Variants in DIS3 observed in about 807,000 individuals in gnomAD.
DIS3 encodes exosome complex exonuclease RRP44.
A neutral mutation model predicts 113.0 loss-of-function variants in DIS3; 103 were observed. That is an observed-to-expected ratio of 0.91 (90% CI 0.78 to 1.07). The LOEUF (loss-of-function observed/expected upper bound fraction) is 1.07, where lower values mean the gene tolerates loss of function less well. Ranked by LOEUF, DIS3 falls within the 50% of genes least tolerant of loss-of-function variation. The pLI is 0.00. For synonymous variants in DIS3, 402 were observed against 394.3 expected, an observed-to-expected ratio of 1.02 and a Z score of -0.23; for missense variants, 1,121 against 1,167.1, an observed-to-expected ratio of 0.96 and a Z score of 0.58.
Position 72,770,818 on chromosome 13 carries a change from T to C in DIS3, c.1755+86A>G, listed in dbSNP as rs45622833. The C allele has an allele frequency of 9.3e-3, 7,752 of 832,558 alleles. 57 individuals carry two copies. Among genetic ancestry groups the C allele is most frequent in the South Asian group, 0.023 (1,065 of 46,218 alleles). The allele number at this position is 832,558 out of a possible 1,614,324, so 51.6% of individuals were successfully genotyped here. Reference sequence around the variant, plus strand: ...TTATATATGTGTATATATACGTACATGTGAATCTTTAAAAAATTTATTTAG... The same window carrying C: ...TTATATATGTGTATATATACGTACACGTGAATCTTTAAAAAATTTATTTAG... On this transcript the variant is annotated intron_variant, in intron 13 of 20. Transcript: ENST00000377767.
intron 8 of DIS3, 56 bp downstream of exon 8, chr13:72,773,628 C>T (rs2033937056): frequency 1.9e-6 from 3 of 1,543,952 alleles, no homozygotes; most frequent in South Asian, 2.5e-5. Flanking sequence ...AGCAGAAATA[C>T]TATTCACAAA....
In DIS3 at chr13:72,755,675, T is replaced by G. The variant is rs1295114064; in HGVS notation, c.*4120A>C. The G allele has an allele frequency of 5.1e-6, 2 of 391,364 alleles. No individual in the cohort carries two copies. Among genetic ancestry groups the G allele is most frequent in the African/African-American group, 4.1e-5 (2 of 48,476 alleles). The allele number at this position is 391,364 out of a possible 1,614,324, so 24.2% of individuals were successfully genotyped here. On this transcript the variant is annotated 3_prime_UTR_variant, in exon 21 of 21. Transcript: ENST00000377767. ...GAAATCTTAGATATAAAACTAACTTTTCAAAGATACAAAAGAAATTAAACA... is the reference window on the plus strand; with the variant it reads ...GAAATCTTAGATATAAAACTAACTTGTCAAAGATACAAAAGAAATTAAACA...
intron 3 of DIS3, 28 bp downstream of exon 3, chr13:72,778,159 C>T (rs772871447): frequency 6.5e-7 from 1 of 1,535,056 alleles, no homozygotes; most frequent in South Asian, 1.2e-5. Context: ...TGCAAACATG[C>T]ACTAAGTACT....
chr13:72,760,026 C>T, intron 20 of DIS3, 148 bp from the exon 21 acceptor site: 1 of 636,764 alleles, frequency 1.6e-6, no homozygotes, highest in East Asian at 2.7e-5. Flanking sequence ...GTTTTATACA[C>T]AGAAGGTATT....
chr13:72,763,482 T>C lies in DIS3; in HGVS notation c.2096A>G (p.Tyr699Cys), dbSNP rs751950386. ...RKHPAPPPSN[Y>C]EILVKAARSR... ...CCTGGCTGCCTTAACAAGAATTTCA[T>C]AATTTGATGGAGGTGGAGCAGGATG... The change falls in exon 16 of 21, where the codon TAT becomes TGT. Residue 699 changes from tyrosine to cysteine, a missense_variant. Tyr to Cys is a radical substitution (Grantham distance 194). Transcript: ENST00000377767. The C allele has an allele frequency of 1.2e-6, 2 of 1,613,356 alleles. No homozygotes were observed. Among genetic ancestry groups the C allele is most frequent in the South Asian group, 2.2e-5 (2 of 90,676 alleles).
At position 72,781,692 on chromosome 13, in the gene DIS3, G is replaced by A. The variant is rs1267476108; in HGVS notation, c.141C>T (p.Ala47=). The A allele has an allele frequency of 6.4e-7, 1 of 1,557,820 alleles. No individual in the cohort carries two copies. The stretch of plus-strand genomic sequence containing the variant: ...CCGGGTCCTGGGGCTGCGGCTCCAG[G>A]GCCGGCCCCTCGTGCGCCCCTCCAC... ...AACGGAHEGP[A]LEPQPQDPAS... The change falls in exon 1 of 21, where the codon GCC becomes GCT. Residue 47 remains alanine (A), a synonymous_variant. Coordinates refer to ENST00000377767, the MANE Select transcript of DIS3 (RefSeq NM_014953.5).
rs996743530 is a variant in DIS3 at position 72,773,795 on chromosome 13, A to C, written c.1128T>G (p.Ala376=). The change falls in exon 8 of 21, where the codon GCT becomes GCG. Residue 376 remains alanine (A), a synonymous_variant. Coordinates refer to ENST00000377767, the MANE Select transcript of DIS3 (RefSeq NM_014953.5). ...KESRRHLFTP[A]DKRIPRIRIE... ...TGCGAATTCGAGGGATTCTCTTATC[A>C]GCAGGTGTAAAGAGATGTCTTCTTG... 2 of 1,613,830 alleles carry C rather than the reference A, an allele frequency of 1.2e-6. No individual in the cohort carries two copies. Among genetic ancestry groups the C allele is most frequent in the African/African-American group, 2.7e-5 (2 of 74,944 alleles).
In DIS3 at chr13:72,752,728, T is replaced by C. The variant is rs921409578; in HGVS notation, c.*7067A>G. On this transcript the variant is annotated 3_prime_UTR_variant, in exon 21 of 21. Coordinates refer to ENST00000377767, the MANE Select transcript of DIS3 (RefSeq NM_014953.5). ...CATGACCTCTAGTAGTAAGCAGATA[T>C]GTATCCAGCCTTGAAATCTGGGAAC... is the stretch of plus-strand genomic sequence containing the variant. The C allele has an allele frequency of 3.9e-5, 6 of 152,230 alleles. No individual in the cohort carries two copies. The highest frequency in any genetic ancestry group is 8.8e-5 in the Non-Finnish European group (6 of 68,046). The allele number at this position is 152,230 out of a possible 1,614,324, so 9.4% of individuals were successfully genotyped here. A position where few individuals can be genotyped will look rare whatever the true frequency, so the allele number is the denominator to read the frequency against.
rs2138144985 is a variant in DIS3 at position 72,759,740 on chromosome 13, C to T, written c.*55G>A. 7.0e-7 allele frequency: 1 copy of T among 1,419,228 alleles called. No individual in the cohort carries two copies. Among genetic ancestry groups the T allele is most frequent in the Non-Finnish European group, 9.8e-7 (1 of 1,017,046 alleles). The allele number at this position is 1,419,228 out of a possible 1,614,324, so 87.9% of individuals were successfully genotyped here. A position where few individuals can be genotyped will look rare whatever the true frequency, so the allele number is the denominator to read the frequency against. On this transcript the variant is annotated 3_prime_UTR_variant, in exon 21 of 21. Coordinates refer to ENST00000377767, the MANE Select transcript of DIS3 (RefSeq NM_014953.5). ...ACACTTAGGCTTAGAAGTGTTCTTT[C>T]AAGTTTTTTCTTTTAAAAAAGAAAC...
Position 72,759,581 on chromosome 13 carries a change from A to C in DIS3, c.*214T>G. 2.1e-6 allele frequency: 1 copy of C among 471,020 alleles called. No homozygotes were observed. Among genetic ancestry groups the C allele is most frequent in the South Asian group, 3.0e-5 (1 of 33,732 alleles). The allele number at this position is 471,020 out of a possible 1,614,324, so 29.2% of individuals were successfully genotyped here. ...TATTTAAGTGATGGATATTCAATTG[A>C]ATTATTCTGCATAAATAATTCTGTT... is the stretch of plus-strand genomic sequence containing the variant. On this transcript the variant is annotated 3_prime_UTR_variant, in exon 21 of 21. Coordinates refer to ENST00000377767, the MANE Select transcript of DIS3 (RefSeq NM_014953.5).
intron 1 of DIS3, 156 bp from the exon 2 acceptor site, chr13:72,781,159 T>C (rs755676147): frequency 3.0e-4 from 405 of 1,361,296 alleles, no homozygotes; most frequent in Non-Finnish European, 3.9e-4. Flanking sequence ...AACGAGACAA[T>C]AGTCACTAAA....
chr13:72,775,283 T>C lies in DIS3; in HGVS notation c.915A>G (p.Pro305=), dbSNP rs762431585. 9.9e-6 allele frequency: 16 copies of C among 1,613,722 alleles called. No homozygotes were observed. The highest frequency in any genetic ancestry group is 1.3e-5 in the African/African-American group (1 of 74,944). ...CTTCATCATGTAAAACCACAGAAGA[T>C]GGTGCTACCCACTGACTCTTGGGGA... is the stretch of plus-strand genomic sequence containing the variant. The part of the protein sequence containing the change: ...ELLPKSQWVA[P]SSVVLHDEGQ... The change falls in exon 6 of 21, where the codon CCA becomes CCG. Residue 305 remains proline (P), a synonymous_variant. Coordinates refer to ENST00000377767, the MANE Select transcript of DIS3 (RefSeq NM_014953.5).
chr13:72,753,514 C>G lies in DIS3; in HGVS notation c.*6281G>C. The G allele has an allele frequency of 1.7e-6, 1 of 588,136 alleles. No homozygotes were observed. Among genetic ancestry groups the G allele is most frequent in the Non-Finnish European group, 2.9e-6 (1 of 344,780 alleles). 36.4% of individuals were successfully genotyped at this position (588,136 alleles called of 1,614,324 possible). A position where few individuals can be genotyped will look rare whatever the true frequency, so the allele number is the denominator to read the frequency against. On this transcript the variant is annotated 3_prime_UTR_variant, in exon 21 of 21. Transcript: ENST00000377767. ...TGTAAAATGACTACAATAATCAGTACTATGCAGGACTACCTTTTATATTTG... is the reference window on the plus strand; with the variant it reads ...TGTAAAATGACTACAATAATCAGTAGTATGCAGGACTACCTTTTATATTTG...
rs756665916 is a variant in DIS3, at chr13:72,781,724, C to T, written c.109G>A (p.Ala37Thr). The T allele has an allele frequency of 3.8e-6, 6 of 1,579,952 alleles. No individual in the cohort carries two copies. The highest frequency in any genetic ancestry group is 1.3e-5 in the African/African-American group (1 of 74,084). ...DDIGCGAPGC[A>T]ACGGAHEGPA... ...CCCTCGTGCGCCCCTCCACACGCTG[C>T]GCACCCGGGCGCACCGCAGCCGATG... is the stretch of plus-strand genomic sequence containing the variant. The change falls in exon 1 of 21, where the codon GCA (alanine) becomes ACA (threonine). Residue 37 changes from alanine (A) to threonine (T), a missense_variant. By Grantham distance (58) the Ala-to-Thr change is moderately conservative. Around this residue, in one of 3 missense-constraint regions of DIS3, gnomAD observed 254 missense variants for 232.2 expected, o/e 1.09. Coordinates refer to ENST00000377767, the MANE Select transcript of DIS3 (RefSeq NM_014953.5).
rs1252421049 is a variant in DIS3 at position 72,770,895 on chromosome 13, G to T, written c.1755+9C>A. 2 of 1,576,206 alleles carry T rather than the reference G, an allele frequency of 1.3e-6. No individual in the cohort carries two copies. The highest frequency in any genetic ancestry group is 1.2e-5 in the South Asian group (1 of 83,930). ...TTAAAAATTAGAGATTAATAGCCAT[G>T]AAACGAACCTTTGAATTAATAACAC... On this transcript the variant is annotated intron_variant, in intron 13 of 20. Coordinates refer to ENST00000377767, the MANE Select transcript of DIS3 (RefSeq NM_014953.5).
At chr13:72,773,583 C>A in intron 8 of DIS3, 101 bp downstream of exon 8, 2 of 1,319,064 alleles carry the variant, frequency 1.5e-6, no homozygotes, top group Non-Finnish European at 2.0e-6. Context: ...AATTTCAGTA[C>A]AAATTCTACA....
chr13:72,767,799 C>T (rs1025743138), intron 14 of DIS3, among the ~76,000 whole-genome samples: 3 of 152,172 alleles, frequency 2.0e-5, no homozygotes, highest in African/African-American at 7.2e-5. Context: ...ACAATCCGCA[C>T]TCACCACACC....
Position 72,778,335 on chromosome 13 carries a change from C to T in DIS3, c.432G>A (p.Arg144=), listed in dbSNP as rs375798649. 13 of 1,590,302 alleles carry T rather than the reference C, an allele frequency of 8.2e-6. No homozygotes were observed. The highest frequency in any genetic ancestry group is 1.3e-5 in the African/African-American group (1 of 74,682). The change falls in exon 3 of 21, where the codon AGG becomes AGA. Residue 144 remains arginine (R), a synonymous_variant. Coordinates refer to ENST00000377767, the MANE Select transcript of DIS3 (RefSeq NM_014953.5). The part of the protein sequence containing the change: ...EQEQGENAND[R]NDRAIRVAAK... ...CTGCTACTCGAATCGCTCTATCATT[C>T]CTGTCATTAGCATTTTCTCCCTGTT...
At chr13:72,776,162 A>G in intron 4 of DIS3, 70 bp from the exon 5 acceptor site, 1 of 1,418,416 alleles carries the variant, frequency 7.1e-7, no homozygotes, top group East Asian at 2.4e-5. Context: ...ACTATTATTA[A>G]TATCAGAGAA....
Sources: gnomAD v4.1 joint callset for allele counts (sites outside exome capture counted in the v4.1 genomes callset) on GRCh38, gnomAD v4.1.1 for gene constraint, gnomAD v4.1.1 regional missense constraint, MANE v1.5 for transcripts, NCBI Gene and HGNC (gene_info 2026-07-23, HGNC 2026-07-21) for gene names.